Variants in PPM1L observed in about 807,000 individuals in gnomAD.
The protein encoded by PPM1L is protein phosphatase, Mg2+/Mn2+ dependent 1L.
PPM1L carries 13 observed loss-of-function variants against 31.4 expected under a neutral mutation model. That is an observed-to-expected ratio of 0.41 (90% confidence interval 0.27 to 0.66). PPM1L has a LOEUF of 0.66. Ranked by LOEUF, PPM1L falls within the 30% of genes least tolerant of loss-of-function variation. The probability of loss-of-function intolerance (pLI) is 0.29; values close to 1 mark genes in which losing one functional copy is unlikely to be tolerated. For missense variants in PPM1L, 326 were observed against 453.7 expected (o/e 0.72, Z 2.56); for synonymous variants, 184 against 175.4 (o/e 1.05, Z -0.39).
intron 2 of PPM1L, among the ~76,000 whole-genome samples, chr3:161,041,585 C>T (rs1718910859): frequency 6.6e-6 from 1 of 152,110 alleles, no homozygotes; most frequent in African/African-American, 2.4e-5. Flanking sequence ...CCCATCTCTA[C>T]TAAAAATACA....
chr3:161,046,110 C>CAAAAAAAAAAAAAAA (rs58794623), intron 2 of PPM1L, among the ~76,000 whole-genome samples: 3 of 50,304 alleles, frequency 6.0e-5, no homozygotes, highest in African/African-American at 2.0e-4. Flanking sequence ...GACTCTGTCT[C>CAAAAAAAAAAAAAAA]AAAAAAAAAA....
chr3:160,845,212 T>A (rs547538807), intron 1 of PPM1L, among the ~76,000 whole-genome samples: 1 of 152,242 alleles, frequency 6.6e-6, no homozygotes, highest in Admixed American at 6.5e-5. Flanking sequence ...GCTATGAACA[T>A]TTGTGTACAA....
At chr3:160,937,135 A>T (rs1056015657) in intron 1 of PPM1L, among the ~76,000 whole-genome samples, 2 of 152,218 alleles carry the variant, frequency 1.3e-5, no homozygotes, top group Non-Finnish European at 2.9e-5. Context: ...TTTGTTTGAA[A>T]TAATGAAATC....
intron 1 of PPM1L, among the ~76,000 whole-genome samples, chr3:160,927,580 G>A (rs143819586): frequency 4.0e-4 from 61 of 151,878 alleles, no homozygotes; most frequent in South Asian, 3.3e-3. Flanking sequence ...AAAATTTCTC[G>A]ATTTCATGAG....
At chr3:160,999,565 C>T (rs1717419270) in intron 2 of PPM1L, among the ~76,000 whole-genome samples, 1 of 152,178 alleles carries the variant, frequency 6.6e-6, no homozygotes, top group Non-Finnish European at 1.5e-5. Context: ...GTTTCTGCTG[C>T]CACACTCTTA....
intron 1 of PPM1L, among the ~76,000 whole-genome samples, chr3:160,850,278 A>G (rs1711500381): frequency 1.3e-5 from 2 of 152,206 alleles, no homozygotes; most frequent in South Asian, 2.1e-4. Flanking sequence ...GGGAAGCACT[A>G]GATTTGGACA....
chr3:160,899,778 TG>T (rs1369396563), intron 1 of PPM1L, among the ~76,000 whole-genome samples: 1 of 152,180 alleles, frequency 6.6e-6, no homozygotes, highest in African/African-American at 2.4e-5. Context: ...GTTTTCTATG[TG>T]GCCTGTGAAA....
chr3:160,975,522 A>G (rs1051245788), intron 2 of PPM1L, among the ~76,000 whole-genome samples: 4 of 152,076 alleles, frequency 2.6e-5, no homozygotes, highest in Non-Finnish European at 2.9e-5. Context: ...ATGTTCTTCC[A>G]TTTGTTTGTA....
intron 1 of PPM1L, among the ~76,000 whole-genome samples, chr3:160,795,770 A>G (rs1213748273): frequency 2.0e-5 from 3 of 152,146 alleles, no homozygotes; most frequent in Admixed American, 1.3e-4. Context: ...GTCTTCAATC[A>G]CTGCTTAATT....
At chr3:160,998,087 T>TTA (rs1717380127) in intron 2 of PPM1L, among the ~76,000 whole-genome samples, 1 of 152,128 alleles carries the variant, frequency 6.6e-6, no homozygotes. Context: ...TGTAATTACT[T>TTA]TATATATATA....
chr3:160,808,383 C>CTGTGTGTGTGTGTGTGTGTGTGTGTG (rs71912617), intron 1 of PPM1L, among the ~76,000 whole-genome samples: 1 of 110,310 alleles, frequency 9.1e-6, no homozygotes, highest in Non-Finnish European at 1.9e-5. Flanking sequence ...CAGGATTTTC[C>CTGTGTGTGTGTGTGTGTGTGTGTGTG]TGTGTGTGTG....
At chr3:160,869,005 G>A (rs1712200432) in intron 1 of PPM1L, among the ~76,000 whole-genome samples, 1 of 152,144 alleles carries the variant, frequency 6.6e-6, no homozygotes, top group Admixed American at 6.5e-5. Flanking sequence ...AGTGTTTCTG[G>A]AATTGTGCTT....
chr3:160,911,597 C>T (rs1281612475), intron 1 of PPM1L, among the ~76,000 whole-genome samples: 1 of 152,160 alleles, frequency 6.6e-6, no homozygotes, highest in Admixed American at 6.5e-5. Flanking sequence ...TAATTTTTAT[C>T]CTTGGATTCC....
Position 161,005,906 on chromosome 3 carries a change from G to A in PPM1L, c.574+43996G>A, listed in dbSNP as rs980578642. On this transcript the variant is annotated intron_variant, in intron 2 of 3. Coordinates refer to ENST00000498165, the MANE Select transcript of PPM1L (RefSeq NM_139245.4). ...AAATCAGGAAGAAATCCCAGGGTGG[G>A]GAAGGCTTTCCTAGGTATGACTTCA... 2.6e-5 allele frequency among the ~76,000 whole-genome samples: 4 copies of A among 151,906 alleles called. No individual in the cohort carries two copies. In the East Asian group the frequency reaches 5.8e-4, roughly 22 times the overall value.
intron 1 of PPM1L, among the ~76,000 whole-genome samples, chr3:160,760,711 GTT>G (rs566966834): frequency 1.4e-4 from 20 of 146,104 alleles, no homozygotes; most frequent in African/African-American, 4.0e-4. Flanking sequence ...GCAAAAGGTG[GTT>G]TTTTTTTTGT....
intron 1 of PPM1L, among the ~76,000 whole-genome samples, chr3:160,863,303 C>CT (rs1307974657): frequency 6.6e-6 from 1 of 152,178 alleles, no homozygotes; most frequent in Non-Finnish European, 1.5e-5. Context: ...TCTGGTCTTA[C>CT]CTCAGCTTTC....
At chr3:160,798,049 G>A (rs192207914) in intron 1 of PPM1L, among the ~76,000 whole-genome samples, 5 of 152,156 alleles carry the variant, frequency 3.3e-5, no homozygotes, top group East Asian at 3.9e-4. Flanking sequence ...GTGGTAGTGC[G>A]TGCCTGTAGT....
intron 1 of PPM1L, among the ~76,000 whole-genome samples, chr3:160,818,643 C>T (rs1713066128): frequency 6.6e-6 from 1 of 151,898 alleles, no homozygotes; most frequent in Non-Finnish European, 1.5e-5. Flanking sequence ...TCCTTGTTTC[C>T]CACTTTCATT....
At chr3:160,932,170 C>A (rs1484155130) in intron 1 of PPM1L, among the ~76,000 whole-genome samples, 2 of 152,100 alleles carry the variant, frequency 1.3e-5, no homozygotes, top group Non-Finnish European at 2.9e-5. Context: ...TGGTTTTGAG[C>A]ATGTTATGAA....
Sources: allele counts gnomAD v4.1 joint callset (sites outside exome capture counted in the v4.1 genomes callset), GRCh38; gene constraint gnomAD v4.1.1; transcripts MANE v1.5; gene names NCBI Gene and HGNC (gene_info 2026-07-23, HGNC 2026-07-21).